FOXJ3: variants seen among roughly 807,000 people sequenced by gnomAD.
FOXJ3 encodes the protein forkhead box J3.
A neutral mutation model predicts 76.1 loss-of-function variants in FOXJ3; 22 were observed. The observed-to-expected ratio is 0.29, with a 90% CI of 0.21 to 0.41. FOXJ3 has a LOEUF of 0.41. FOXJ3 is among the 10% of genes least tolerant of loss of function. The pLI, the probability that FOXJ3 is intolerant of heterozygous loss-of-function variation, is 1.00. For synonymous variants in FOXJ3, 269 were observed against 261.2 expected (o/e 1.03, Z -0.29); for missense variants, 613 against 762.1 (o/e 0.80, Z 2.30).
At chr1:42,200,390 T>C (rs1405266625) in intron 6 of FOXJ3, among the ~76,000 whole-genome samples, 1 of 152,198 alleles carries the variant, frequency 6.6e-6, no homozygotes, top group East Asian at 1.9e-4. Context: ...TTAAAATTCA[T>C]TTTTTTGTGC....
rs1051686100 is a variant in FOXJ3 at position 42,190,627 on chromosome 1, G to C, written c.1351+676C>G. Among the ~76,000 whole-genome samples the C allele has an allele frequency of 2.0e-5, 3 of 152,182 alleles. No individual in the cohort carries two copies. In the East Asian group the frequency reaches 5.8e-4, roughly 29 times the overall value. On this transcript the variant is annotated intron_variant, in intron 9 of 12. Transcript: ENST00000361346. The stretch of plus-strand genomic sequence containing the variant: ...ACAGCCAAAGCAGTACTAGAATCCA[G>C]ATCTCTTGAGGTAAACACAACTCAG...
intron 4 of FOXJ3, among the ~76,000 whole-genome samples, chr1:42,231,313 G>A (rs1017030163): frequency 2.6e-5 from 4 of 152,076 alleles, no homozygotes; most frequent in Non-Finnish European, 4.4e-5. Context: ...GTGACAGAGC[G>A]AGACTCCATC....
intron 2 of FOXJ3, among the ~76,000 whole-genome samples, chr1:42,301,022 C>G (rs1244670618): frequency 6.6e-6 from 1 of 152,138 alleles, no homozygotes; most frequent in African/African-American, 2.4e-5. Context: ...ATTTATCTTT[C>G]AGGAGTTCTC....
intron 1 of FOXJ3, among the ~76,000 whole-genome samples, chr1:42,320,539 T>C (rs892568181): frequency 1.3e-5 from 2 of 152,198 alleles, no homozygotes; most frequent in African/African-American, 4.8e-5. Flanking sequence ...TGAAATTAGA[T>C]CACACCGTAT....
At chr1:42,283,567 T>C (rs887834086) in intron 2 of FOXJ3, among the ~76,000 whole-genome samples, 1 of 152,138 alleles carries the variant, frequency 6.6e-6, no homozygotes, top group Non-Finnish European at 1.5e-5. Context: ...AGAATAAGAA[T>C]AATGAGGGTA....
At chr1:42,248,477 T>C (rs1649721650) in intron 4 of FOXJ3, among the ~76,000 whole-genome samples, 1 of 149,812 alleles carries the variant, frequency 6.7e-6, no homozygotes, top group African/African-American at 2.5e-5. Context: ...GAGTTTGCAG[T>C]GAGCCGAGAT....
At chr1:42,275,721 T>C (rs896519478) in intron 3 of FOXJ3, among the ~76,000 whole-genome samples, 1 of 152,168 alleles carries the variant, frequency 6.6e-6, no homozygotes, top group Non-Finnish European at 1.5e-5. Context: ...AATGATTTGT[T>C]GTATAACATA....
chr1:42,210,611 G>A (rs983378238), intron 5 of FOXJ3, among the ~76,000 whole-genome samples: 1 of 152,084 alleles, frequency 6.6e-6, no homozygotes, highest in African/African-American at 2.4e-5. Flanking sequence ...CTGTCCACGT[G>A]CCCAGTACAT....
At chr1:42,288,397 T>C (rs1244113996) in intron 2 of FOXJ3, among the ~76,000 whole-genome samples, 1 of 152,240 alleles carries the variant, frequency 6.6e-6, no homozygotes, top group Non-Finnish European at 1.5e-5. Context: ...TTTGCAACCA[T>C]ACTACTTCAG....
chr1:42,243,871 G>A (rs72674537), intron 4 of FOXJ3, among the ~76,000 whole-genome samples: 23 of 152,232 alleles, frequency 1.5e-4, no homozygotes, highest in African/African-American at 2.9e-4. Flanking sequence ...CAGAATACCC[G>A]TTGTTCCCAT....
chr1:42,183,631 T>C (rs1010435423), intron 11 of FOXJ3, among the ~76,000 whole-genome samples: 1 of 152,068 alleles, frequency 6.6e-6, no homozygotes. Flanking sequence ...CTATTTCATG[T>C]AAATTACACT....
At chr1:42,330,044 T>C (rs1656066366) in intron 1 of FOXJ3, among the ~76,000 whole-genome samples, 1 of 152,196 alleles carries the variant, frequency 6.6e-6, no homozygotes, top group African/African-American at 2.4e-5. Flanking sequence ...AAAACTACCG[T>C]ATTTATAAAA....
chr1:42,186,709 G>GT (rs917571454), intron 11 of FOXJ3, among the ~76,000 whole-genome samples: 19 of 152,120 alleles, frequency 1.2e-4, no homozygotes, highest in Admixed American at 9.8e-4. Flanking sequence ...CAGATAAAGT[G>GT]TTTTTTCCAT....
At chr1:42,209,540 C>A (rs890904569) in intron 5 of FOXJ3, among the ~76,000 whole-genome samples, 3 of 152,072 alleles carry the variant, frequency 2.0e-5, no homozygotes, top group African/African-American at 7.3e-5. Context: ...TCCTCCATGA[C>A]ACATACTCCC....
chr1:42,194,508 A>G (rs922490805), intron 8 of FOXJ3, among the ~76,000 whole-genome samples: 4 of 152,236 alleles, frequency 2.6e-5, no homozygotes, highest in Admixed American at 6.5e-5. Context: ...TTTTGCTAAT[A>G]CCAGTCAGAA....
At chr1:42,192,947 A>G (rs1213445364) in intron 8 of FOXJ3, among the ~76,000 whole-genome samples, 3 of 152,184 alleles carry the variant, frequency 2.0e-5, no homozygotes, top group African/African-American at 7.2e-5. Flanking sequence ...CCTAGAAAAT[A>G]GTCACATATA....
intron 4 of FOXJ3, among the ~76,000 whole-genome samples, chr1:42,251,356 C>T (rs920907358): frequency 4.6e-5 from 7 of 151,936 alleles, no homozygotes; most frequent in African/African-American, 1.5e-4. Context: ...GAATCCATAC[C>T]CAGAAAAAAG....
At chr1:42,243,385 C>T (rs1649302299) in intron 4 of FOXJ3, among the ~76,000 whole-genome samples, 1 of 152,108 alleles carries the variant, frequency 6.6e-6, no homozygotes. Context: ...AAATAATTAA[C>T]AGAATGACAG....
rs748771492 is a variant in FOXJ3, at chr1:42,194,865, T to TA, written c.934+24dup. ...ACCTTTTTCCAATAAAACTTTGTTA[T>TA]AAAAAAGATTTTAAGAAAACTCACC... On this transcript the variant is annotated intron_variant, in intron 8 of 12. Transcript: ENST00000361346. 5.3e-6 allele frequency: 8 copies of TA among 1,502,148 alleles called. No individual in the cohort carries two copies. The South Asian group carries it at 1.0e-4, about 19-fold the overall frequency. The allele number at this position is 1,502,148 out of a possible 1,614,324, so 93.1% of individuals were successfully genotyped here.
Sources: gnomAD v4.1 joint callset for allele counts (sites outside exome capture counted in the v4.1 genomes callset) on GRCh38, gnomAD v4.1.1 for gene constraint, MANE v1.5 for transcripts, NCBI Gene and HGNC (gene_info 2026-07-23, HGNC 2026-07-21) for gene names.